Variants in KCNK3 observed in about 807,000 individuals in gnomAD.
KCNK3 encodes potassium two pore domain channel subfamily K member 3, also known as potassium channel subfamily K member 3.
In KCNK3, 9 loss-of-function variants were observed where a neutral mutation model predicts 27.3. That is an observed-to-expected ratio of 0.33 (90% confidence interval 0.20 to 0.57). The LOEUF (loss-of-function observed/expected upper bound fraction) is 0.57, where lower values mean the gene tolerates loss of function less well. Ranked by LOEUF, KCNK3 falls within the 20% of genes least tolerant of loss-of-function variation. The pLI, the probability that KCNK3 is intolerant of heterozygous loss-of-function variation, is 0.87. For synonymous variants in KCNK3, 278 were observed against 273.8 expected (o/e 1.02, Z -0.15); for missense variants, 391 against 577.7 (o/e 0.68, Z 3.31).
chr2:26,725,188 C>T (rs1396591003), intron 1 of KCNK3, among the ~76,000 whole-genome samples: 1 of 152,120 alleles, frequency 6.6e-6, no homozygotes, highest in African/African-American at 2.4e-5. Flanking sequence ...ACAGAGATGG[C>T]CCTGCCCCCA....
intron 1 of KCNK3, among the ~76,000 whole-genome samples, chr2:26,707,103 T>C (rs953068231): frequency 1.2e-4 from 18 of 152,174 alleles, no homozygotes; most frequent in Admixed American, 4.6e-4. Context: ...AATAGAGTTC[T>C]GTCAAGGACC....
intron 1 of KCNK3, among the ~76,000 whole-genome samples, chr2:26,703,565 C>T (rs913337567): frequency 6.6e-6 from 1 of 152,188 alleles, no homozygotes; most frequent in Non-Finnish European, 1.5e-5. Flanking sequence ...CTCTGGGTCC[C>T]CTTCCAAATT....
At position 26,693,088 on chromosome 2, in the gene KCNK3, G is replaced by A; in HGVS notation, c.213G>A (p.Pro71=). The A allele has an allele frequency of 6.2e-7, 1 of 1,602,334 alleles. No homozygotes were observed. The highest frequency in any genetic ancestry group is 8.5e-7 in the Non-Finnish European group (1 of 1,175,406). ...AGCGCGTCGTGCTGCGCCTCAAGCC[G>A]CACAAGGCCGGCGTGCAGTGGCGCT... is the stretch of plus-strand genomic sequence containing the variant. ...ELERVVLRLK[P]HKAGVQWRFA... is the part of the protein sequence containing the mutation. The change falls in exon 1 of 2, where the codon CCG becomes CCA. Residue 71 remains proline, a synonymous_variant. Transcript: ENST00000302909. The surrounding 1 kb of genome is among the most constrained non-coding windows in gnomAD (Gnocchi z 5.5).
chr2:26,728,279 T>C lies in KCNK3; in HGVS notation c.896T>C (p.Val299Ala). Residue 299 changes from valine (V) to alanine (A), a missense_variant, in exon 2 of 2, where the codon GTC becomes GCC. Physicochemically the swap from Val to Ala is moderately conservative, Grantham distance 64. Coordinates refer to ENST00000302909, the MANE Select transcript of KCNK3 (RefSeq NM_002246.3). ...AAAGGGGFRN[V>A]YAEVLHFQSM... ...GCGGGCGGCGGCGGCTTCCGCAACG[T>C]CTACGCGGAGGTGCTGCACTTCCAG... is the stretch of plus-strand genomic sequence containing the variant. The C allele has an allele frequency of 6.3e-7, 1 of 1,594,382 alleles. No homozygotes were observed. Among genetic ancestry groups the C allele is most frequent in the Non-Finnish European group, 8.5e-7 (1 of 1,170,724 alleles).
chr2:26,696,050 C>G (rs1670231374), intron 1 of KCNK3, among the ~76,000 whole-genome samples: 1 of 152,204 alleles, frequency 6.6e-6, no homozygotes, highest in Non-Finnish European at 1.5e-5. Context: ...GATAATGGCC[C>G]CAAACCCAAG....
intron 1 of KCNK3, among the ~76,000 whole-genome samples, chr2:26,695,324 C>T (rs1670221582): frequency 6.6e-6 from 1 of 152,152 alleles, no homozygotes; most frequent in Non-Finnish European, 1.5e-5. Context: ...TGGCCTCAAG[C>T]GATCCTCTCA....
intron 1 of KCNK3, among the ~76,000 whole-genome samples, chr2:26,697,882 G>A (rs1351004991): frequency 1.3e-5 from 2 of 152,120 alleles, no homozygotes; most frequent in African/African-American, 4.8e-5. Context: ...GATTCATGAG[G>A]AAACCTATAC....
intron 1 of KCNK3, among the ~76,000 whole-genome samples, chr2:26,700,831 C>T (rs557407974): frequency 1.3e-5 from 2 of 152,110 alleles, no homozygotes; most frequent in Non-Finnish European, 2.9e-5. Flanking sequence ...TCTTTGCTGG[C>T]TCTGTGATCA....
chr2:26,727,847 C>G lies in KCNK3; in HGVS notation c.464C>G (p.Ser155Cys). The change falls in exon 2 of 2, where the codon TCC becomes TGC. Residue 155 changes from serine to cysteine, a missense_variant. Physicochemically the swap from Ser to Cys is moderately radical, Grantham distance 112 (BLOSUM62 -1). This residue lies in a region of KCNK3 where 158 missense variants were observed against 267.7 expected (regional missense o/e 0.59). Coordinates refer to ENST00000302909, the MANE Select transcript of KCNK3 (RefSeq NM_002246.3). ...CTGGGCATGCGGCGCGCCGACGTGT[C>G]CATGGCCAACATGGTGCTCATCGGC... ...KGLGMRRADV[S>C]MANMVLIGFF... 6.2e-7 allele frequency: 1 copy of G among 1,613,698 alleles called. No individual in the cohort carries two copies. The highest frequency in any genetic ancestry group is 8.5e-7 in the Non-Finnish European group (1 of 1,179,656).
chr2:26,703,107 C>T (rs1670330441), intron 1 of KCNK3, among the ~76,000 whole-genome samples: 1 of 152,128 alleles, frequency 6.6e-6, no homozygotes. Context: ...CAGAGTGAGA[C>T]TCTTGTCTCA....
chr2:26,705,624 G>A (rs895021615), intron 1 of KCNK3, among the ~76,000 whole-genome samples: 11 of 152,126 alleles, frequency 7.2e-5, no homozygotes, highest in Admixed American at 4.6e-4. Flanking sequence ...CCCGTAGTAG[G>A]GATATTAGAG....
chr2:26,701,750 G>A (rs1270028263), intron 1 of KCNK3, among the ~76,000 whole-genome samples: 1 of 152,188 alleles, frequency 6.6e-6, no homozygotes, highest in Non-Finnish European at 1.5e-5. Context: ...GACCAGCCTG[G>A]CCAACATGGT....
Position 26,728,273 on chromosome 2 carries a change from G to A in KCNK3, c.890G>A (p.Arg297His). Residue 297 changes from arginine (R) to histidine (H), a missense_variant, in exon 2 of 2, where the codon CGC becomes CAC. Coordinates refer to ENST00000302909, the MANE Select transcript of KCNK3 (RefSeq NM_002246.3). ...GCGGCAGCGGGCGGCGGCGGCTTCCGCAACGTCTACGCGGAGGTGCTGCAC... is the reference window on the plus strand; with the variant it reads ...GCGGCAGCGGGCGGCGGCGGCTTCCACAACGTCTACGCGGAGGTGCTGCAC... ...STAAAGGGGFRNVYAEVLHFQ... is the reference protein window; with the variant it reads ...STAAAGGGGFHNVYAEVLHFQ... 1.9e-6 allele frequency: 3 copies of A among 1,591,388 alleles called. No individual in the cohort carries two copies. Among genetic ancestry groups the A allele is most frequent in the Non-Finnish European group, 2.6e-6 (3 of 1,169,134 alleles).
At chr2:26,699,170 T>C (rs1446896424) in intron 1 of KCNK3, among the ~76,000 whole-genome samples, 3 of 108,432 alleles carry the variant, frequency 2.8e-5, no homozygotes, top group African/African-American at 3.8e-5. Context: ...ACAGCAAGAC[T>C]CCGTCTCAGA....
chr2:26,711,164 C>T (rs914193440), intron 1 of KCNK3, among the ~76,000 whole-genome samples: 4 of 152,200 alleles, frequency 2.6e-5, no homozygotes, highest in Admixed American at 6.5e-5. Flanking sequence ...GAAATTACCA[C>T]GTCTCTGTCA....
chr2:26,719,116 C>T (rs916727344), intron 1 of KCNK3, among the ~76,000 whole-genome samples: 2 of 152,164 alleles, frequency 1.3e-5, no homozygotes, highest in African/African-American at 2.4e-5. Context: ...GGACTGTTTA[C>T]AATTTTTCAC....
rs1663484218 is a variant in KCNK3 at position 26,728,896 on chromosome 2, C to G, written c.*328C>G. 6.9e-6 allele frequency: 2 copies of G among 288,464 alleles called. No homozygotes were observed. The highest frequency in any genetic ancestry group is 1.3e-5 in the Non-Finnish European group (2 of 156,300). The allele number at this position is 288,464 out of a possible 1,614,324, so 17.9% of individuals were successfully genotyped here. On this transcript the variant is annotated 3_prime_UTR_variant, in exon 2 of 2. Coordinates refer to ENST00000302909, the MANE Select transcript of KCNK3 (RefSeq NM_002246.3). ...CAGTCCTCAGAGACCCTGCTGGTAC[C>G]CAGACCCCCACCTTCGGAGGGGACT...
intron 1 of KCNK3, among the ~76,000 whole-genome samples, chr2:26,696,131 C>T (rs749764053): frequency 7.2e-5 from 11 of 152,212 alleles, no homozygotes; most frequent in Non-Finnish European, 1.2e-4. Flanking sequence ...CCGGGTGTCC[C>T]ATTGGGATGG....
chr2:26,706,544 G>C (rs956517906), intron 1 of KCNK3, among the ~76,000 whole-genome samples: 2 of 152,188 alleles, frequency 1.3e-5, no homozygotes, highest in African/African-American at 4.8e-5. Flanking sequence ...GGCAAAGTAA[G>C]ACCCTCCAGG....
Sources: gnomAD v4.1 joint callset for allele counts (sites outside exome capture counted in the v4.1 genomes callset) on GRCh38, gnomAD v4.1.1 for gene constraint, gnomAD v4.1.1 regional missense constraint, Gnocchi (gnomAD v3.1) non-coding constraint, MANE v1.5 for transcripts, NCBI Gene and HGNC (gene_info 2026-07-23, HGNC 2026-07-21) for gene names.